Variants in PRELID2 observed in about 807,000 individuals in gnomAD.
PRELID2 encodes PRELI domain containing 2.
PRELID2 carries 25 observed loss-of-function variants against 28.4 expected under a neutral mutation model. The observed-to-expected ratio is 0.88, with a 90% CI of 0.64 to 1.23. PRELID2 has a LOEUF of 1.23. Ranked by LOEUF, PRELID2 falls within the 50% of genes most tolerant of loss-of-function variation. PRELID2 has a pLI of 0.00. For synonymous variants in PRELID2, 76 were observed against 71.6 expected, an observed-to-expected ratio of 1.06 and a Z score of -0.31; for missense variants, 201 against 214.4, an observed-to-expected ratio of 0.94 and a Z score of 0.39.
intron 1 of PRELID2, among the ~76,000 whole-genome samples, chr5:145,688,428 A>C (rs375341511): frequency 1.4e-4 from 22 of 152,332 alleles, no homozygotes; most frequent in Middle Eastern, 3.4e-3. Context: ...AGTCCTCGTC[A>C]AATATTTATT....
chr5:145,618,748 G>A (rs1394769197), intron 1 of PRELID2, among the ~76,000 whole-genome samples: 1 of 152,156 alleles, frequency 6.6e-6, no homozygotes, highest in African/African-American at 2.4e-5. Flanking sequence ...GAACTCTCAA[G>A]TATATATGCC....
chr5:145,562,412 T>C (rs1752932242), intron 1 of PRELID2, among the ~76,000 whole-genome samples: 1 of 152,240 alleles, frequency 6.6e-6, no homozygotes, highest in Non-Finnish European at 1.5e-5. Context: ...CAATTTTTGC[T>C]CTGTGTATCT....
In PRELID2 at chr5:145,807,715, C is replaced by T. The variant is rs182065292; in HGVS notation, c.368+10179G>A. Among the ~76,000 whole-genome samples the T allele has an allele frequency of 2.5e-3, 377 of 152,238 alleles. 2 individuals carry two copies. Among genetic ancestry groups the T allele is most frequent in the African/African-American group, 8.2e-3 (342 of 41,530 alleles). On this transcript the variant is annotated intron_variant, in intron 4 of 6. Transcript: ENST00000683046. Reference sequence around the variant, plus strand: ...TTTTCCTTTCCTACCCACAACCCCCCGACCCTGCCATTCCCATTTCACCCC... The same window carrying T: ...TTTTCCTTTCCTACCCACAACCCCCTGACCCTGCCATTCCCATTTCACCCC...
intron 1 of PRELID2, among the ~76,000 whole-genome samples, chr5:145,482,955 A>G (rs1242424180): frequency 2.0e-5 from 3 of 152,102 alleles, no homozygotes; most frequent in Non-Finnish European, 4.4e-5. Context: ...AATGGGGAGC[A>G]ACTGTAAATA....
At chr5:145,545,925 A>G (rs1298589939) in intron 1 of PRELID2, among the ~76,000 whole-genome samples, 2 of 152,192 alleles carry the variant, frequency 1.3e-5, no homozygotes, top group East Asian at 1.9e-4. Flanking sequence ...GAAAAGTGAC[A>G]TAGAAGTGGA....
At chr5:145,623,456 A>T (rs1236263441) in intron 1 of PRELID2, among the ~76,000 whole-genome samples, 3 of 127,902 alleles carry the variant, frequency 2.3e-5, no homozygotes, top group East Asian at 2.5e-4. Context: ...TCAAAAAAAA[A>T]TAAATAAATA....
chr5:145,701,081 A>G (rs1213453842), intron 1 of PRELID2, among the ~76,000 whole-genome samples: 1 of 152,236 alleles, frequency 6.6e-6, no homozygotes, highest in Non-Finnish European at 1.5e-5. Flanking sequence ...CGAAGGCTTC[A>G]ACTCCATGGA....
chr5:145,690,860 G>T (rs957556481), intron 1 of PRELID2, among the ~76,000 whole-genome samples: 1 of 151,778 alleles, frequency 6.6e-6, no homozygotes, highest in African/African-American at 2.4e-5. Context: ...ATGACTTCAC[G>T]CAATAGGAAA....
chr5:145,585,438 C>T (rs1753144775), intron 1 of PRELID2, among the ~76,000 whole-genome samples: 1 of 152,044 alleles, frequency 6.6e-6, no homozygotes, highest in South Asian at 2.1e-4. Flanking sequence ...TACCCCTGAA[C>T]TTAAAATTAA....
intron 1 of PRELID2, among the ~76,000 whole-genome samples, chr5:145,828,086 C>A (rs1332542601): frequency 6.6e-6 from 1 of 152,072 alleles, no homozygotes; most frequent in Non-Finnish European, 1.5e-5. Context: ...ATTAAAGACA[C>A]GATGTTAGAA....
the PRELID2 span, among the ~76,000 whole-genome samples, chr5:145,425,518 A>G: frequency 5.4e-4 from 82 of 152,348 alleles, 1 homozygote; most frequent in Middle Eastern, 3.4e-3. Flanking sequence ...ATGCCCATCA[A>G]TGATAGACTG....
At chr5:145,261,163 C>G in the PRELID2 span, among the ~76,000 whole-genome samples, 1 of 152,170 alleles carries the variant, frequency 6.6e-6, no homozygotes, top group Non-Finnish European at 1.5e-5. Flanking sequence ...GCTGCAGCAA[C>G]TCATGCCCAA....
chr5:145,231,945 G>C, the PRELID2 span, among the ~76,000 whole-genome samples: 1 of 152,002 alleles, frequency 6.6e-6, no homozygotes, highest in East Asian at 1.9e-4. Context: ...CTTGGATGTT[G>C]CTCCCAGAAT....
intron 1 of PRELID2, among the ~76,000 whole-genome samples, chr5:145,590,742 G>A (rs912595445): frequency 6.6e-6 from 1 of 152,030 alleles, no homozygotes; most frequent in African/African-American, 2.4e-5. Flanking sequence ...TCTAGAATCA[G>A]TTTGTCAGAT....
At chr5:145,761,453 T>C (rs1757471023) in intron 6 of PRELID2, among the ~76,000 whole-genome samples, 1 of 152,194 alleles carries the variant, frequency 6.6e-6, no homozygotes, top group South Asian at 2.1e-4. Flanking sequence ...TCACAAAGTG[T>C]TGACGTTAGA....
chr5:145,418,830 T>A, the PRELID2 span, among the ~76,000 whole-genome samples: 1 of 151,654 alleles, frequency 6.6e-6, no homozygotes, highest in African/African-American at 2.4e-5. Context: ...CTGCACCCAC[T>A]AACTCGTCAT....
At position 145,779,590 on chromosome 5, in the gene PRELID2, C is replaced by T. The variant is rs182293815; in HGVS notation, c.475-14590G>A. Among the ~76,000 whole-genome samples the T allele has an allele frequency of 1.8e-3, 277 of 151,948 alleles. 1 individual carries two copies. The highest frequency in any genetic ancestry group is 6.5e-3 in the African/African-American group (270 of 41,444). ...TTGTACTAACACTGTTTCATTATGA[C>T]TGTGTTTAAAATTTGCGTATGAGAC... is the stretch of plus-strand genomic sequence containing the variant. On this transcript the variant is annotated intron_variant, in intron 5 of 6. Coordinates refer to ENST00000683046, the MANE Select transcript of PRELID2 (RefSeq NM_205846.3).
At chr5:145,796,347 T>G (rs1752746144) in intron 5 of PRELID2, 95 bp downstream of exon 5, 1 of 628,258 alleles carries the variant, frequency 1.6e-6, no homozygotes, top group African/African-American at 1.9e-5. Flanking sequence ...TATGTTTTTC[T>G]CATTATGTCT....
At chr5:145,696,830 A>G (rs1466791341) in intron 1 of PRELID2, among the ~76,000 whole-genome samples, 1 of 151,910 alleles carries the variant, frequency 6.6e-6, no homozygotes, top group Non-Finnish European at 1.5e-5. Context: ...GAGAACTCCA[A>G]GACTCATCAA....
Sources: gnomAD v4.1 joint callset for allele counts (sites outside exome capture counted in the v4.1 genomes callset) on GRCh38, gnomAD v4.1.1 for gene constraint, MANE v1.5 for transcripts, NCBI Gene and HGNC (gene_info 2026-07-23, HGNC 2026-07-21) for gene names.